The following KRT3 variants were observed in gnomAD, a reference collection of about 807,000 sequenced individuals.
The protein encoded by KRT3 is keratin 3.
In KRT3, 34 loss-of-function variants were observed where a neutral mutation model predicts 45.8. The observed-to-expected ratio is 0.74, with a 90% CI of 0.57 to 0.99. The LOEUF (loss-of-function observed/expected upper bound fraction) is 0.99, where lower values mean the gene tolerates loss of function less well. KRT3 is among the 50% of genes least tolerant of loss of function. The pLI, the probability that KRT3 is intolerant of heterozygous loss-of-function variation, is 0.00. For synonymous variants in KRT3, 367 were observed against 329.0 expected, an observed-to-expected ratio of 1.12 and a Z score of -1.25; for missense variants, 828 against 820.6, an observed-to-expected ratio of 1.01 and a Z score of -0.11.
In KRT3 at chr12:52,791,442, T is replaced by A. The variant is rs544733979; in HGVS notation, c.1315-16A>T. 1.2e-6 allele frequency: 2 copies of A among 1,613,176 alleles called. No homozygotes were observed. The highest frequency in any genetic ancestry group is 4.5e-5 in the East Asian group (2 of 44,880). On this transcript the variant is annotated splice_polypyrimidine_tract_variant and intron_variant, in intron 6 of 8. Coordinates refer to ENST00000417996, the MANE Select transcript of KRT3 (RefSeq NM_057088.3). Reference sequence around the variant, plus strand: ...GGTTGGCATTCTGGGGCAAGGGAGGTAGGAGGAATGAGCTCAGTAAGAGGG... The same window carrying A: ...GGTTGGCATTCTGGGGCAAGGGAGGAAGGAGGAATGAGCTCAGTAAGAGGG...
intron 7 of KRT3, 132 bp from the exon 8 acceptor site, chr12:52,791,004 C>G (rs1007738991): frequency 7.9e-7 from 1 of 1,258,836 alleles, no homozygotes; most frequent in Non-Finnish European, 1.1e-6. Context: ...TTCTCCACCC[C>G]TCTTTGGGCT....
Position 52,789,960 on chromosome 12 carries a change from T to A in KRT3, c.*82A>T. 1 of 1,368,670 alleles carries A rather than the reference T, an allele frequency of 7.3e-7. No homozygotes were observed. The highest frequency in any genetic ancestry group is 1.0e-6 in the Non-Finnish European group (1 of 995,314). 84.8% of individuals were successfully genotyped at this position (1,368,670 alleles called of 1,614,324 possible). Reference sequence around the variant, plus strand: ...AGCCGCGTTCTTGGGGAGCATGGGGTGGCGCTGGGGGTGTTGCCAATATGG... The same window carrying A: ...AGCCGCGTTCTTGGGGAGCATGGGGAGGCGCTGGGGGTGTTGCCAATATGG... On this transcript the variant is annotated 3_prime_UTR_variant, in exon 9 of 9. Coordinates refer to ENST00000417996, the MANE Select transcript of KRT3 (RefSeq NM_057088.3).
At position 52,793,124 on chromosome 12, in the gene KRT3, G is replaced by A. The variant is rs116682509; in HGVS notation, c.927+39C>T. ...ATTCCCCCAACCCAGCCAGAAACCT[G>A]CAGCTGCAAGCCTCAGAAACCTCAC... On this transcript the variant is annotated intron_variant, in intron 3 of 8. Transcript: ENST00000417996. 4,598 of 1,552,562 alleles carry A rather than the reference G, an allele frequency of 3.0e-3. 130 individuals are homozygous for A. In the African/African-American group the frequency reaches 0.054, roughly 18 times the overall value.
At position 52,792,137 on chromosome 12, in the gene KRT3, C is replaced by T. The variant is rs2121219637; in HGVS notation, c.1188+102G>A. 4 of 981,354 alleles carry T rather than the reference C, an allele frequency of 4.1e-6. No individual in the cohort carries two copies. The East Asian group carries it at 7.7e-5, about 19-fold the overall frequency. The allele number at this position is 981,354 out of a possible 1,614,324, so 60.8% of individuals were successfully genotyped here. On this transcript the variant is annotated intron_variant, in intron 5 of 8. Transcript: ENST00000417996. ...GACTTCAGAGGGTAAAACCAAAAGG[C>T]ATTCACCCAGTGACCACTGGGAACT... is the stretch of plus-strand genomic sequence containing the variant.
chr12:52,791,647 C>T lies in KRT3; in HGVS notation c.1314+44G>A, dbSNP rs192181461. On this transcript the variant is annotated intron_variant, in intron 6 of 8. Transcript: ENST00000417996. ...GGAGTCCTGAGATCCTAGCCCCTGC[C>T]CCTCAGCAATCATCCCAGGTGCCAG... is the stretch of plus-strand genomic sequence containing the variant. 2.7e-4 allele frequency: 435 copies of T among 1,612,796 alleles called. 1 individual carries two copies. The African/African-American group carries it at 4.6e-3, about 17-fold the overall frequency.
rs1304628391 is a variant in KRT3 at position 52,790,114 on chromosome 12, G to A, written c.1815C>T (p.Ser605=). The A allele has an allele frequency of 6.5e-7, 1 of 1,544,096 alleles. No individual in the cohort carries two copies. Among genetic ancestry groups the A allele is most frequent in the Admixed American group, 2.0e-5 (1 of 50,982 alleles). ...TGCTGCCGCCCCGGTTGCTGGCCGAGCTGAAGCCCCCGCCACTGACTCCAT... is the reference window on the plus strand; with the variant it reads ...TGCTGCCGCCCCGGTTGCTGGCCGAACTGAAGCCCCCGCCACTGACTCCAT... ...ARYGVSGGGF[S]SASNRGGSIK... Residue 605 remains serine (S), a synonymous_variant, in exon 9 of 9, where the codon AGC becomes AGT. Coordinates refer to ENST00000417996, the MANE Select transcript of KRT3 (RefSeq NM_057088.3).
rs370736017 is a variant in KRT3, at chr12:52,792,208, G to A, written c.1188+31C>T. On this transcript the variant is annotated intron_variant, in intron 5 of 8. Coordinates refer to ENST00000417996, the MANE Select transcript of KRT3 (RefSeq NM_057088.3). Reference sequence around the variant, plus strand: ...GGCCATGGCCTCTCTGAAACCTCCAGTGGATCCCGTAAGAGGTGACTAGCA... The same window carrying A: ...GGCCATGGCCTCTCTGAAACCTCCAATGGATCCCGTAAGAGGTGACTAGCA... 34 of 1,603,720 alleles carry A rather than the reference G, an allele frequency of 2.1e-5. No homozygotes were observed. The African/African-American group carries it at 3.5e-4, about 16-fold the overall frequency.
chr12:52,795,748 TCCCAAAGCCA>T lies in KRT3; in HGVS notation c.285_294del (p.Gly96AlafsTer75), dbSNP rs1939627912. 1 of 1,612,362 alleles carries T rather than the reference TCCCAAAGCCA, an allele frequency of 6.2e-7. No homozygotes were observed. Among genetic ancestry groups the T allele is most frequent in the Non-Finnish European group, 8.5e-7 (1 of 1,179,032 alleles). ...CCACCAAAGCCACCTCCATAGCCGC[TCCCAAAGCCA>T]CCTCCATAGCCACCTGCAAAGGCAC... On this transcript the variant is annotated frameshift_variant, in exon 1 of 9. Coordinates refer to ENST00000417996, the MANE Select transcript of KRT3 (RefSeq NM_057088.3). LOFTEE classifies it high-confidence loss of function.
chr12:52,792,130 C>G lies in KRT3; in HGVS notation c.1188+109G>C, dbSNP rs1010340502. On this transcript the variant is annotated intron_variant, in intron 5 of 8. Coordinates refer to ENST00000417996, the MANE Select transcript of KRT3 (RefSeq NM_057088.3). ...GAAGGATGACTTCAGAGGGTAAAAC[C>G]AAAAGGCATTCACCCAGTGACCACT... 9.4e-6 allele frequency: 9 copies of G among 957,088 alleles called. No individual in the cohort carries two copies. The Admixed American group carries it at 2.2e-4, about 24-fold the overall frequency. 59.3% of individuals were successfully genotyped at this position (957,088 alleles called of 1,614,324 possible). A position where few individuals can be genotyped will look rare whatever the true frequency, so the allele number is the denominator to read the frequency against.
chr12:52,789,732 G>T lies in KRT3; in HGVS notation c.*310C>A. On this transcript the variant is annotated 3_prime_UTR_variant, in exon 9 of 9. Transcript: ENST00000417996. Reference sequence around the variant, plus strand: ...GCGACAGACCGGAGGGGCGGAGGGGGCTGTGTGCTATATACATCAGAGCTG... The same window carrying T: ...GCGACAGACCGGAGGGGCGGAGGGGTCTGTGTGCTATATACATCAGAGCTG... 1.8e-6 allele frequency: 1 copy of T among 546,828 alleles called. No homozygotes were observed. The highest frequency in any genetic ancestry group is 3.3e-6 in the Non-Finnish European group (1 of 306,224). 33.9% of individuals were successfully genotyped at this position (546,828 alleles called of 1,614,324 possible).
chr12:52,795,631 C>T lies in KRT3; in HGVS notation c.412G>A (p.Gly138Ser). Reference protein sequence around the residue: ...AGGFGGAGGFGGPGGFGGSGG... With the variant: ...AGGFGGAGGFSGPGGFGGSGG... ...GACCCACCAAAGCCACCAGGACCACCAAAGCCACCAGCCCCTCCAAAGCCA... is the reference window on the plus strand; with the variant it reads ...GACCCACCAAAGCCACCAGGACCACTAAAGCCACCAGCCCCTCCAAAGCCA... The change falls in exon 1 of 9, where the codon GGT becomes AGT. Residue 138 changes from glycine to serine, a missense_variant. Coordinates refer to ENST00000417996, the MANE Select transcript of KRT3 (RefSeq NM_057088.3). 1.4e-6 allele frequency: 2 copies of T among 1,442,556 alleles called. No homozygotes were observed. Among genetic ancestry groups the T allele is most frequent in the Non-Finnish European group, 1.8e-6 (2 of 1,136,866 alleles). 89.4% of individuals were successfully genotyped at this position (1,442,556 alleles called of 1,614,324 possible). A position where few individuals can be genotyped will look rare whatever the true frequency, so the allele number is the denominator to read the frequency against.
intron 5 of KRT3, 140 bp from the exon 6 acceptor site, chr12:52,791,956 A>G (rs912553098): frequency 9.9e-7 from 1 of 1,009,794 alleles, no homozygotes; most frequent in Non-Finnish European, 1.4e-6. Flanking sequence ...CAGCAGGGAA[A>G]CCCCCAAGGC....
chr12:52,791,489 C>T (rs1014474834), intron 6 of KRT3, 63 bp from the exon 7 acceptor site: 6 of 1,541,258 alleles, frequency 3.9e-6, no homozygotes, highest in Non-Finnish European at 4.5e-6. Flanking sequence ...TCCTGACATG[C>T]AATGGATTAT....
At chr12:52,792,839 C>A (rs1565678479) in intron 3 of KRT3, 33 bp from the exon 4 acceptor site, 3 of 1,407,138 alleles carry the variant, frequency 2.1e-6, no homozygotes, top group Non-Finnish European at 3.0e-6. Context: ...GCCTTATTCT[C>A]CCAATGAACA....
intron 4 of KRT3, 79 bp from the exon 5 acceptor site, chr12:52,792,482 C>T: frequency 7.3e-7 from 1 of 1,378,474 alleles, no homozygotes; most frequent in South Asian, 1.2e-5. Context: ...TCTTGATCAA[C>T]AGTCTCATTC....
chr12:52,793,222 A>G lies in KRT3; in HGVS notation c.868T>C (p.Tyr290His), dbSNP rs1350628007. The G allele has an allele frequency of 6.2e-7, 1 of 1,600,726 alleles. No individual in the cohort carries two copies. Among genetic ancestry groups the G allele is most frequent in the Non-Finnish European group, 8.5e-7 (1 of 1,172,580 alleles). ...EDLVEDFKKKYEDEINKRTAA... is the reference protein window; with the variant it reads ...EDLVEDFKKKHEDEINKRTAA... ...GTACGTTTATTGATTTCATCCTCAT[A>G]TCTGTGTGAATAAAAAAGAAACAGC... The change falls in exon 3 of 9, where the codon TAT becomes CAT. Residue 290 changes from tyrosine (Y) to histidine (H), a missense_variant and splice_region_variant. By Grantham distance (83) the Tyr-to-His change is moderately conservative. Coordinates refer to ENST00000417996, the MANE Select transcript of KRT3 (RefSeq NM_057088.3).
intron 2 of KRT3, 44 bp downstream of exon 2, chr12:52,794,067 C>G: frequency 6.7e-7 from 1 of 1,487,366 alleles, no homozygotes; most frequent in African/African-American, 1.4e-5. Context: ...GACTCTGAGA[C>G]AGGGTGGGCC....
At chr12:52,791,670 C>G in intron 6 of KRT3, 21 bp downstream of exon 6, 1 of 1,613,984 alleles carries the variant, frequency 6.2e-7, no homozygotes, top group Non-Finnish European at 8.5e-7. Context: ...TCCCAGGTGC[C>G]AGCATCCATG....
At chr12:52,791,572 C>T in intron 6 of KRT3, 119 bp downstream of exon 6, 1 of 1,475,508 alleles carries the variant, frequency 6.8e-7, no homozygotes, top group Non-Finnish European at 9.3e-7. Flanking sequence ...GAGATACTGC[C>T]CTGTGGGTCA....
Sources: allele counts gnomAD v4.1 joint callset, GRCh38; gene constraint gnomAD v4.1.1; transcripts MANE v1.5; gene names NCBI Gene and HGNC (gene_info 2026-07-23, HGNC 2026-07-21).